Variants in ANKIB1 observed in about 807,000 individuals in gnomAD.
The protein encoded by ANKIB1 is ankyrin repeat and IBR domain-containing protein 1.
Under a neutral mutation model 122.1 loss-of-function variants are expected in ANKIB1, and 43 were observed. The observed-to-expected ratio is 0.35, with a 90% CI of 0.28 to 0.45. The LOEUF is 0.45. Among genes scored for constraint, ANKIB1 ranks in the 20% least tolerant of loss-of-function variants. The pLI is 1.00. For synonymous variants in ANKIB1, 390 were observed against 442.0 expected (o/e 0.88, Z 1.48); for missense variants, 992 against 1,329.5 (o/e 0.75, Z 3.95).
Position 92,325,094 on chromosome 7 carries a change from A to T in ANKIB1, c.670-2689A>T, listed in dbSNP as rs1259323838. Among the ~76,000 whole-genome samples the T allele has an allele frequency of 2.0e-5, 3 of 152,244 alleles. No homozygotes were observed. The East Asian group carries it at 5.8e-4, about 29-fold the overall frequency. On this transcript the variant is annotated intron_variant, in intron 4 of 19. Coordinates refer to ENST00000265742, the MANE Select transcript of ANKIB1 (RefSeq NM_019004.2). The stretch of plus-strand genomic sequence containing the variant: ...ACACCAAAGGGAGAACAGAAACATT[A>T]GCGAGTATTAGACCTAGGTTGGGGT...
intron 7 of ANKIB1, among the ~76,000 whole-genome samples, chr7:92,348,487 G>A (rs1348585038): frequency 6.6e-6 from 1 of 151,066 alleles, no homozygotes; most frequent in Non-Finnish European, 1.5e-5. Context: ...CCGGGTTCAA[G>A]TGATTCTCCT....
intron 14 of ANKIB1, 31 bp from the exon 15 acceptor site, chr7:92,389,940 A>G (rs1804750731): frequency 1.9e-6 from 3 of 1,560,776 alleles, no homozygotes; most frequent in African/African-American, 2.8e-5. Flanking sequence ...ATTTGCAAAA[A>G]CAAATTCACT....
At chr7:92,368,171 A>T (rs1804138974) in intron 10 of ANKIB1, among the ~76,000 whole-genome samples, 1 of 152,074 alleles carries the variant, frequency 6.6e-6, no homozygotes, top group Non-Finnish European at 1.5e-5. Context: ...AAAATTAAAA[A>T]TAAAAATTCA....
intron 4 of ANKIB1, among the ~76,000 whole-genome samples, chr7:92,320,507 C>T (rs138651285): frequency 7.9e-5 from 12 of 152,244 alleles, no homozygotes; most frequent in African/African-American, 2.2e-4. Flanking sequence ...TATGTCTTCC[C>T]GGTCTCAATA....
chr7:92,339,141 A>G (rs1335501763), intron 5 of ANKIB1, among the ~76,000 whole-genome samples: 1 of 138,340 alleles, frequency 7.2e-6, no homozygotes, highest in Non-Finnish European at 1.5e-5. Context: ...TCCTGGGTTC[A>G]TGCCATTCTC....
At chr7:92,365,096 C>T (rs570994681) in intron 10 of ANKIB1, among the ~76,000 whole-genome samples, 11 of 152,140 alleles carry the variant, frequency 7.2e-5, no homozygotes, top group Admixed American at 2.6e-4. Flanking sequence ...ATTTAATTAA[C>T]GTTTATTGAG....
At chr7:92,396,950 A>G (rs914587067) in intron 18 of ANKIB1, among the ~76,000 whole-genome samples, 5 of 152,192 alleles carry the variant, frequency 3.3e-5, no homozygotes, top group African/African-American at 1.2e-4. Flanking sequence ...TTCTGGCATT[A>G]GAGATAAATT....
rs1275861690 is a variant in ANKIB1 at position 92,395,486 on chromosome 7, A to AT, written c.2284-873dup. 4.4e-5 allele frequency among the ~76,000 whole-genome samples: 6 copies of AT among 136,202 alleles called. No individual in the cohort carries two copies. In the East Asian group the frequency reaches 1.1e-3, roughly 24 times the overall value. The allele number at this position is 136,202 out of a possible 152,430, so 89.4% of individuals were successfully genotyped here. The stretch of plus-strand genomic sequence containing the variant: ...TGGCAAGTACTTAACAGTGTGTGTT[A>AT]TTTTTTACTGTTGTTCCTTTTTTTC... On this transcript the variant is annotated intron_variant, in intron 17 of 19. Coordinates refer to ENST00000265742, the MANE Select transcript of ANKIB1 (RefSeq NM_019004.2).
chr7:92,296,525 G>C (rs567242657), intron 2 of ANKIB1, among the ~76,000 whole-genome samples: 7 of 152,078 alleles, frequency 4.6e-5, no homozygotes, highest in Non-Finnish European at 5.9e-5. Context: ...TCAAGATCCT[G>C]TGTGTGCCAC....
At chr7:92,311,516 A>G (rs1419293052) in intron 3 of ANKIB1, among the ~76,000 whole-genome samples, 1 of 152,118 alleles carries the variant, frequency 6.6e-6, no homozygotes, top group Admixed American at 6.5e-5. Flanking sequence ...TCTTGACTAC[A>G]TCTGTGGAAG....
chr7:92,287,635 C>T (rs1465860751), intron 1 of ANKIB1, among the ~76,000 whole-genome samples: 1 of 152,002 alleles, frequency 6.6e-6, no homozygotes, highest in Non-Finnish European at 1.5e-5. Context: ...TGCTTTGCGT[C>T]CATGCAAATA....
intron 14 of ANKIB1, among the ~76,000 whole-genome samples, chr7:92,389,309 A>T (rs1488991937): frequency 6.6e-6 from 1 of 151,582 alleles, no homozygotes; most frequent in Non-Finnish European, 1.5e-5. Flanking sequence ...TTAGATTCTC[A>T]TGCTTAATTT....
chr7:92,327,773 C>T lies in ANKIB1; in HGVS notation c.670-10C>T, dbSNP rs1345098485. On this transcript the variant is annotated splice_polypyrimidine_tract_variant and intron_variant, in intron 4 of 19. Coordinates refer to ENST00000265742, the MANE Select transcript of ANKIB1 (RefSeq NM_019004.2). The stretch of plus-strand genomic sequence containing the variant: ...ATGCCCATTTAACTTTATTTTTTTT[C>T]TTTTCAAAGCCATATGAAGGATTAA... 4.7e-6 allele frequency: 7 copies of T among 1,490,274 alleles called. No individual in the cohort carries two copies. Among genetic ancestry groups the T allele is most frequent in the South Asian group, 1.3e-5 (1 of 75,752 alleles). The allele number at this position is 1,490,274 out of a possible 1,614,324, so 92.3% of individuals were successfully genotyped here. A position where few individuals can be genotyped will look rare whatever the true frequency, so the allele number is the denominator to read the frequency against.
chr7:92,377,895 C>T (rs1406123069), intron 11 of ANKIB1, among the ~76,000 whole-genome samples: 3 of 151,742 alleles, frequency 2.0e-5, no homozygotes, highest in African/African-American at 7.3e-5. Flanking sequence ...TTTTACCAAA[C>T]CTTTAAGGGG....
chr7:92,306,276 T>C (rs1802560475), intron 2 of ANKIB1, among the ~76,000 whole-genome samples: 1 of 152,124 alleles, frequency 6.6e-6, no homozygotes, highest in African/African-American at 2.4e-5. Flanking sequence ...GCATTCCTTT[T>C]GGAGGCTCCA....
Position 92,398,401 on chromosome 7 carries a change from G to A in ANKIB1, c.2722G>A (p.Ala908Thr), listed in dbSNP as rs1332719166. The A allele has an allele frequency of 2.5e-6, 4 of 1,613,316 alleles. No homozygotes were observed. In the African/African-American group the frequency reaches 5.3e-5, roughly 22 times the overall value. ...CCCCAGAAATACAGATAGCCCTCGGGCTGCATTGAGCAGCTCTGAGCTTTT... is the reference window on the plus strand; with the variant it reads ...CCCCAGAAATACAGATAGCCCTCGGACTGCATTGAGCAGCTCTGAGCTTTT... ...SVPRNTDSPR[A>T]ALSSSELLEL... The change falls in exon 20 of 20, where the codon GCT (alanine) becomes ACT (threonine). Residue 908 changes from alanine to threonine, a missense_variant. This residue lies in a region of ANKIB1 where 384 missense variants were observed against 412.0 expected (regional missense o/e 0.93). Transcript: ENST00000265742.
chr7:92,272,716 A>G (rs893840083), intron 1 of ANKIB1, among the ~76,000 whole-genome samples: 2 of 152,228 alleles, frequency 1.3e-5, no homozygotes, highest in South Asian at 2.1e-4. Context: ...CTGATGGAAC[A>G]TTTTGGAAAA....
chr7:92,303,460 C>G (rs1802493446), intron 2 of ANKIB1, among the ~76,000 whole-genome samples: 1 of 152,126 alleles, frequency 6.6e-6, no homozygotes, highest in Non-Finnish European at 1.5e-5. Context: ...GAATTCTGGT[C>G]ATACTTCCCA....
intron 3 of ANKIB1, among the ~76,000 whole-genome samples, chr7:92,314,881 T>A (rs1481562198): frequency 2.0e-5 from 3 of 152,196 alleles, no homozygotes; most frequent in African/African-American, 7.2e-5. Context: ...AATTCTATTG[T>A]GAACTGACAA....
Sources: gnomAD v4.1 joint callset for allele counts (sites outside exome capture counted in the v4.1 genomes callset) on GRCh38, gnomAD v4.1.1 for gene constraint, gnomAD v4.1.1 regional missense constraint, MANE v1.5 for transcripts, NCBI Gene and HGNC (gene_info 2026-07-23, HGNC 2026-07-21) for gene names.